ZNF710: variants seen among roughly 807,000 people sequenced by gnomAD.
ZNF710 encodes the protein zinc finger protein 710.
In ZNF710, 13 loss-of-function variants were observed where a neutral mutation model predicts 50.6. That is an observed-to-expected ratio of 0.26 (90% confidence interval 0.17 to 0.41). The LOEUF (loss-of-function observed/expected upper bound fraction) is 0.41. ZNF710 is among the 10% of genes least tolerant of loss of function. ZNF710 has a pLI of 1.00. For missense variants in ZNF710, 721 were observed against 936.6 expected, an observed-to-expected ratio of 0.77 and a Z score of 3.01; for synonymous variants, 383 against 397.0, an observed-to-expected ratio of 0.96 and a Z score of 0.42.
intron 1 of ZNF710, among the ~76,000 whole-genome samples, chr15:90,009,006 A>C (rs1898228442): frequency 6.6e-6 from 1 of 152,136 alleles, no homozygotes; most frequent in South Asian, 2.1e-4. Context: ...TATGGAATCG[A>C]AATGAAGTTA....
rs1256296362 is a variant in ZNF710, at chr15:90,079,876, G to T, written c.*47G>T. On this transcript the variant is annotated 3_prime_UTR_variant, in exon 5 of 5. Transcript: ENST00000268154. ...CGGGGGCCGGGGGCGAGGGCATGGGGGTGAGACCCATGGGCTGCAGGCTGC... is the reference window on the plus strand; with the variant it reads ...CGGGGGCCGGGGGCGAGGGCATGGGTGTGAGACCCATGGGCTGCAGGCTGC... The T allele has an allele frequency of 1.3e-6, 2 of 1,527,978 alleles. No homozygotes were observed. Among genetic ancestry groups the T allele is most frequent in the African/African-American group, 1.4e-5 (1 of 71,236 alleles). 94.7% of individuals were successfully genotyped at this position (1,527,978 alleles called of 1,614,324 possible). A position where few individuals can be genotyped will look rare whatever the true frequency, so the allele number is the denominator to read the frequency against.
chr15:90,034,222 G>GAAA lies in ZNF710; in HGVS notation c.-29+32610_-29+32612dup, dbSNP rs951587012. Among the ~76,000 whole-genome samples the GAAA allele has an allele frequency of 6.6e-6, 1 of 151,832 alleles. No individual in the cohort carries two copies. The highest frequency in any genetic ancestry group is 1.9e-4 in the East Asian group (1 of 5,170). On this transcript the variant is annotated intron_variant, in intron 1 of 4. Coordinates refer to ENST00000268154, the MANE Select transcript of ZNF710 (RefSeq NM_198526.4). This position sits in a 1 kb window ranked among gnomAD's most constrained non-coding sequence, Gnocchi z 4.0. ...CAAAAAAAAAGAAAAGAAAAGAAAA[G>GAAA]AAAAGAAAACAGGTGAACGACAGTC...
At position 90,068,009 on chromosome 15, in the gene ZNF710, G is replaced by A. The variant is rs138695467; in HGVS notation, c.872G>A (p.Arg291His). ...DDSYLVEAGD[R>H]QKRWQCRMCE... ...TCCTATCTGGTGGAGGCGGGCGACCGCCAGAAGCGCTGGCAGTGCCGCATG... is the reference window on the plus strand; with the variant it reads ...TCCTATCTGGTGGAGGCGGGCGACCACCAGAAGCGCTGGCAGTGCCGCATG... The change falls in exon 2 of 5, where the codon CGC becomes CAC. Residue 291 changes from arginine (R) to histidine (H), a missense_variant. Physicochemically the swap from Arg to His is conservative, Grantham distance 29. This residue lies in a region of ZNF710 where 326 missense variants were observed against 522.0 expected (regional missense o/e 0.62). Coordinates refer to ENST00000268154, the MANE Select transcript of ZNF710 (RefSeq NM_198526.4). The surrounding 1 kb of genome is among the most constrained non-coding windows in gnomAD (Gnocchi z 5.0). The A allele has an allele frequency of 1.1e-4, 184 of 1,614,022 alleles. No individual in the cohort carries two copies. The highest frequency in any genetic ancestry group is 1.4e-4 in the Non-Finnish European group (171 of 1,180,038).
At chr15:90,031,557 C>T (rs140597695) in intron 1 of ZNF710, among the ~76,000 whole-genome samples, 7 of 152,334 alleles carry the variant, frequency 4.6e-5, no homozygotes, top group African/African-American at 1.7e-4. Flanking sequence ...TCTCTCAACA[C>T]CAGGTCTTTG....
At chr15:90,027,395 A>C (rs1361838612) in intron 1 of ZNF710, among the ~76,000 whole-genome samples, 1 of 152,058 alleles carries the variant, frequency 6.6e-6, no homozygotes, top group Non-Finnish European at 1.5e-5. Context: ...TTTTTAGTAG[A>C]GACGGGGTTT....
chr15:90,053,851 C>T (rs1899724634), intron 1 of ZNF710, among the ~76,000 whole-genome samples: 1 of 152,050 alleles, frequency 6.6e-6, no homozygotes, highest in African/African-American at 2.4e-5. Flanking sequence ...CCTCCCTTCC[C>T]TAGGTGAGGT....
At chr15:90,026,837 C>T (rs4932274) in intron 1 of ZNF710, among the ~76,000 whole-genome samples, 97,446 of 151,966 alleles carry the variant, frequency 0.64, 33,230 homozygotes, top group African/African-American at 0.85. Context: ...GTCTACCTAA[C>T]CAATACAGCA....
intron 1 of ZNF710, among the ~76,000 whole-genome samples, chr15:90,007,501 A>G (rs1898168922): frequency 3.3e-5 from 5 of 152,046 alleles, no homozygotes; most frequent in Admixed American, 3.3e-4. Context: ...CGTAGCTTTC[A>G]CTGGCCTCAA....
chr15:90,027,008 A>C (rs1898800369), intron 1 of ZNF710, among the ~76,000 whole-genome samples: 1 of 152,190 alleles, frequency 6.6e-6, no homozygotes, highest in Non-Finnish European at 1.5e-5. Flanking sequence ...TGCTTTTAAC[A>C]CTCTAGTCAA....
rs117818414 is a variant in ZNF710, at chr15:90,037,818, C to T, written c.-28-29292C>T. On this transcript the variant is annotated intron_variant, in intron 1 of 4. Transcript: ENST00000268154. ...TCTGCCCTCAAAGAACTCTGGATCTCGAGGGAGCAGTGGGCCTAAGCATAG... is the reference window on the plus strand; with the variant it reads ...TCTGCCCTCAAAGAACTCTGGATCTTGAGGGAGCAGTGGGCCTAAGCATAG... Among the ~76,000 whole-genome samples, 83 of 152,258 alleles carry T rather than the reference C, an allele frequency of 5.5e-4. 1 individual carries two copies. The East Asian group carries it at 0.013, about 24-fold the overall frequency.
At chr15:90,069,731 G>T in intron 2 of ZNF710, among the ~76,000 whole-genome samples, 1 of 152,126 alleles carries the variant, frequency 6.6e-6, no homozygotes, top group Non-Finnish European at 1.5e-5. Context: ...GGCTAAACTA[G>T]GCACAGTGGC....
rs1900280156 is a variant in ZNF710, at chr15:90,068,832, C to A, written c.1458+237C>A. 6.6e-6 allele frequency among the ~76,000 whole-genome samples: 1 copy of A among 152,214 alleles called. No homozygotes were observed. Among genetic ancestry groups the A allele is most frequent in the Non-Finnish European group, 1.5e-5 (1 of 68,026 alleles). On this transcript the variant is annotated intron_variant, in intron 2 of 4. Coordinates refer to ENST00000268154, the MANE Select transcript of ZNF710 (RefSeq NM_198526.4). This position sits in a 1 kb window ranked among gnomAD's most constrained non-coding sequence, Gnocchi z 5.0. Reference sequence around the variant, plus strand: ...ATTTGGCCAGGCACAATGGCTCATGCCTGTAATCCCAGCGCTTTGGGAGGC... The same window carrying A: ...ATTTGGCCAGGCACAATGGCTCATGACTGTAATCCCAGCGCTTTGGGAGGC...
intron 1 of ZNF710, among the ~76,000 whole-genome samples, chr15:90,061,513 CAA>C (rs953573503): frequency 1.3e-5 from 2 of 152,160 alleles, no homozygotes; most frequent in South Asian, 2.1e-4. Context: ...GGGAACTAGT[CAA>C]AGAGTGTCCA....
At chr15:90,078,074 G>A (rs1036278379) in intron 4 of ZNF710, among the ~76,000 whole-genome samples, 6 of 152,062 alleles carry the variant, frequency 3.9e-5, no homozygotes, top group African/African-American at 1.4e-4. Context: ...AGCCGGGTAT[G>A]GTGGCGCATG....
chr15:90,069,378 A>G (rs1264358728), intron 2 of ZNF710, among the ~76,000 whole-genome samples: 1 of 152,026 alleles, frequency 6.6e-6, no homozygotes, highest in Non-Finnish European at 1.5e-5. Flanking sequence ...ACTGCACTTC[A>G]GCCTGGGCAA....
chr15:90,017,493 G>C (rs1329733582), intron 1 of ZNF710, among the ~76,000 whole-genome samples: 1 of 151,772 alleles, frequency 6.6e-6, no homozygotes, highest in Non-Finnish European at 1.5e-5. Flanking sequence ...TTCTAACTTG[G>C]AGTCATCATT....
chr15:90,049,578 A>C (rs1401694605), intron 1 of ZNF710, among the ~76,000 whole-genome samples: 1 of 152,156 alleles, frequency 6.6e-6, no homozygotes, highest in Admixed American at 6.5e-5. Context: ...CCAAGCTCCT[A>C]CAGGTCATCC....
At chr15:90,072,561 C>T (rs1021561846) in intron 2 of ZNF710, among the ~76,000 whole-genome samples, 1 of 152,024 alleles carries the variant, frequency 6.6e-6, no homozygotes, top group African/African-American at 2.4e-5. Context: ...GGGTCTGAAC[C>T]AAAAAGGCCA....
At chr15:90,049,400 G>T (rs1480980474) in intron 1 of ZNF710, among the ~76,000 whole-genome samples, 4 of 152,164 alleles carry the variant, frequency 2.6e-5, no homozygotes, top group African/African-American at 9.7e-5. Context: ...TCGCACCGCA[G>T]GCAGAGGGGA....
Sources: gnomAD v4.1 joint callset for allele counts (sites outside exome capture counted in the v4.1 genomes callset) on GRCh38, gnomAD v4.1.1 for gene constraint, gnomAD v4.1.1 regional missense constraint, Gnocchi (gnomAD v3.1) non-coding constraint, MANE v1.5 for transcripts, NCBI Gene and HGNC (gene_info 2026-07-23, HGNC 2026-07-21) for gene names.